Variants in PDE4C observed in about 807,000 individuals in gnomAD.
PDE4C encodes phosphodiesterase 4C.
In PDE4C, 50 loss-of-function variants were observed where a neutral mutation model predicts 63.9. That is an observed-to-expected ratio of 0.78 (90% CI 0.62 to 0.99). The LOEUF (loss-of-function observed/expected upper bound fraction) is 0.99, where lower values mean the gene tolerates loss of function less well. Ranked by LOEUF, PDE4C falls within the 50% of genes least tolerant of loss-of-function variation. The pLI is 0.00. For missense variants in PDE4C, 777 were observed against 899.1 expected (o/e 0.86, Z 1.74); for synonymous variants, 377 against 385.1 (o/e 0.98, Z 0.25).
At chr19:18,253,295 A>T in the PDE4C span, among the ~76,000 whole-genome samples, 1 of 152,112 alleles carries the variant, frequency 6.6e-6, no homozygotes, top group South Asian at 2.1e-4. Context: ...AGGCGGGAGG[A>T]TTGCCTGACC....
Position 18,220,269 on chromosome 19 carries a change from G to A in PDE4C, c.663C>T (p.Arg221=). 3 of 1,614,154 alleles carry A rather than the reference G, an allele frequency of 1.9e-6. No homozygotes were observed. Among genetic ancestry groups the A allele is most frequent in the Non-Finnish European group, 2.5e-6 (3 of 1,180,042 alleles). ...TGTACTCGGACACCTGGTTCCCGGAGCGGCTGGTTTCGGACAGGTGGGTCA... is the reference window on the plus strand; with the variant it reads ...TGTACTCGGACACCTGGTTCCCGGAACGGCTGGTTTCGGACAGGTGGGTCA... The change falls in exon 7 of 15, where the codon CGC becomes CGT. Residue 221 remains arginine (R), a synonymous_variant. Coordinates refer to ENST00000262805, the Ensembl canonical transcript of PDE4C. The surrounding 1 kb of genome is among the most constrained non-coding windows in gnomAD (Gnocchi z 5.1).
intron 1 of PDE4C, among the ~76,000 whole-genome samples, chr19:18,245,555 G>A (rs1056588700): frequency 6.6e-6 from 1 of 152,228 alleles, no homozygotes; most frequent in Non-Finnish European, 1.5e-5. Context: ...AAAATGGCCA[G>A]CTGCTTGTTT....
At chr19:18,227,294 AC>A (rs1263903898), upstream of PDE4C, among the ~76,000 whole-genome samples, 1 of 151,824 alleles carries the variant, frequency 6.6e-6, no homozygotes, top group Non-Finnish European at 1.5e-5. Context: ...AGAAAGCGAG[AC>A]CCAAACTCAG....
intron 11 of PDE4C, chr19:18,217,129 A>G: frequency 2.3e-6 from 1 of 438,658 alleles, no homozygotes; most frequent in Non-Finnish European, 4.0e-6. Flanking sequence ...TGGACCCCCT[A>G]TGGCCAGTGA....
At chr19:18,236,445 A>T (rs1968952279), upstream of PDE4C, among the ~76,000 whole-genome samples, 2 of 150,844 alleles carry the variant, frequency 1.3e-5, no homozygotes, top group Middle Eastern at 3.3e-3. Context: ...CTGGTCTCGA[A>T]CTCCCGATCT....
intron 1 of PDE4C, among the ~76,000 whole-genome samples, chr19:18,224,034 C>T (rs1968611866): frequency 6.6e-6 from 1 of 152,240 alleles, no homozygotes; most frequent in Admixed American, 6.5e-5. Context: ...CATCTTCAGC[C>T]TGAACGTTCC....
At chr19:18,250,392 G>A, upstream of PDE4C, 1 of 399,118 alleles carries the variant, frequency 2.5e-6, no homozygotes, top group Non-Finnish European at 4.4e-6. Context: ...GACCCGATGA[G>A]CAAAAGAGAC....
At chr19:18,229,220 A>T (rs1968800928), upstream of PDE4C, among the ~76,000 whole-genome samples, 1 of 146,468 alleles carries the variant, frequency 6.8e-6, no homozygotes, top group Non-Finnish European at 1.5e-5. Flanking sequence ...AAGTGCTGGG[A>T]TTACAGGCGT....
chr19:18,217,934 C>A (rs569016930), intron 11 of PDE4C, among the ~76,000 whole-genome samples: 38 of 152,274 alleles, frequency 2.5e-4, no homozygotes, highest in Non-Finnish European at 3.1e-4. Context: ...GGAACCAGAT[C>A]AGCTCTGCCA....
chr19:18,221,580 C>A (rs561323463), intron 2 of PDE4C, among the ~76,000 whole-genome samples: 1 of 152,084 alleles, frequency 6.6e-6, no homozygotes, highest in East Asian at 1.9e-4. Flanking sequence ...CAAAGTATTT[C>A]TTCATTTGCT....
upstream of PDE4C, among the ~76,000 whole-genome samples, chr19:18,233,938 A>G (rs1405619387): frequency 1.3e-5 from 2 of 152,236 alleles, no homozygotes; most frequent in Non-Finnish European, 2.9e-5. Context: ...TCCGCGGTTC[A>G]GCCCCAGAAG....
In PDE4C at chr19:18,220,551, C is replaced by G. The variant is rs1304954115; in HGVS notation, c.500-36G>C. The G allele has an allele frequency of 4.5e-6, 7 of 1,566,136 alleles. No individual in the cohort carries two copies. The highest frequency in any genetic ancestry group is 6.1e-6 in the Non-Finnish European group (7 of 1,140,722). On this transcript the variant is annotated intron_variant, in intron 5 of 14. Coordinates refer to ENST00000262805, the Ensembl canonical transcript of PDE4C. This position sits in a 1 kb window ranked among gnomAD's most constrained non-coding sequence, Gnocchi z 5.1. ...AGGCAGTCAGGGGCCTGCCCAACCC[C>G]CCCGCTCAGGGACCCCACGCCTCTC...
At chr19:18,242,816 C>G (rs960155155) in intron 1 of PDE4C, among the ~76,000 whole-genome samples, 1 of 147,404 alleles carries the variant, frequency 6.8e-6, no homozygotes, top group East Asian at 2.0e-4. Flanking sequence ...GAATTGGGAG[C>G]CAAGGGCCAG....
chr19:18,215,326 T>C (rs542090592), intron 12 of PDE4C, among the ~76,000 whole-genome samples: 1 of 152,096 alleles, frequency 6.6e-6, no homozygotes, highest in African/African-American at 2.4e-5. Flanking sequence ...TGAACCTTCC[T>C]CCTCACAGCT....
chr19:18,241,326 G>A (rs2148066903), intron 1 of PDE4C, among the ~76,000 whole-genome samples: 1 of 132,086 alleles, frequency 7.6e-6, no homozygotes, highest in South Asian at 2.5e-4. Context: ...GAGTGCAGTG[G>A]CGCGATCTCG....
intron 12 of PDE4C, among the ~76,000 whole-genome samples, chr19:18,214,794 C>CA (rs1399701339): frequency 6.6e-6 from 1 of 151,694 alleles, no homozygotes; most frequent in Non-Finnish European, 1.5e-5. Flanking sequence ...ACTAAAAATA[C>CA]AAAAAATTAG....
chr19:18,219,429 G>A, intron 7 of PDE4C, 32 bp from the exon 8 acceptor site: 1 of 1,551,456 alleles, frequency 6.4e-7, no homozygotes, highest in Non-Finnish European at 8.7e-7. Flanking sequence ...GCTCAGAGAA[G>A]CCGATTTCAC....
chr19:18,235,266 G>A (rs369012873), upstream of PDE4C, among the ~76,000 whole-genome samples: 2 of 152,176 alleles, frequency 1.3e-5, no homozygotes, highest in African/African-American at 4.8e-5. Context: ...TGCCTCCCAG[G>A]TTCAAGTGAT....
At position 18,220,326 on chromosome 19, in the gene PDE4C, C is replaced by G; in HGVS notation, c.613-7G>C. ...GGTTCAGGATCCGCTTGAACTGGGG[C>G]GGAGAGAAGGTGAAGACCGTGATGA... On this transcript the variant is annotated splice_polypyrimidine_tract_variant and splice_region_variant and intron_variant, in intron 6 of 14. Transcript: ENST00000262805. The surrounding 1 kb of genome is among the most constrained non-coding windows in gnomAD (Gnocchi z 5.1). The G allele has an allele frequency of 1.9e-6, 3 of 1,614,024 alleles. No individual in the cohort carries two copies. The highest frequency in any genetic ancestry group is 8.5e-7 in the Non-Finnish European group (1 of 1,179,936).
Sources: allele counts gnomAD v4.1 joint callset (sites outside exome capture counted in the v4.1 genomes callset), GRCh38; gene constraint gnomAD v4.1.1; non-coding constraint Gnocchi (gnomAD v3.1); transcripts MANE v1.5; gene names NCBI Gene and HGNC (gene_info 2026-07-23, HGNC 2026-07-21).